The following WWP2 variants were observed in gnomAD, a reference collection of about 807,000 sequenced individuals.
WWP2 encodes WW domain containing E3 ubiquitin protein ligase 2.
In WWP2, 57 loss-of-function variants were observed where a neutral mutation model predicts 121.0. That is an observed-to-expected ratio of 0.47 (90% CI 0.38 to 0.59). The LOEUF (loss-of-function observed/expected upper bound fraction) is 0.59. Ranked by LOEUF, WWP2 falls within the 20% of genes least tolerant of loss-of-function variation. WWP2 has a pLI of 0.00. For missense variants in WWP2, 962 were observed against 1,158.9 expected (o/e 0.83, Z 2.47); for synonymous variants, 449 against 441.3 (o/e 1.02, Z -0.22).
At position 69,935,491 on chromosome 16, in the gene WWP2, C is replaced by T. The variant is rs2058783395; in HGVS notation, c.1843-362C>T. Among the ~76,000 whole-genome samples, 1 of 152,250 alleles carries T rather than the reference C, an allele frequency of 6.6e-6. No homozygotes were observed. Among genetic ancestry groups the T allele is most frequent in the African/African-American group, 2.4e-5 (1 of 41,470 alleles). ...GAGCGCCAGTGAATCAGGGCTGCCACCTGCAGCTGTTCAGAGCAAGCCTTT... is the reference window on the plus strand; with the variant it reads ...GAGCGCCAGTGAATCAGGGCTGCCATCTGCAGCTGTTCAGAGCAAGCCTTT... On this transcript the variant is annotated intron_variant, in intron 17 of 23. Transcript: ENST00000359154. This position sits in a 1 kb window ranked among gnomAD's most constrained non-coding sequence, Gnocchi z 5.2.
chr16:69,838,491 C>T (rs2056918183), intron 4 of WWP2, among the ~76,000 whole-genome samples: 1 of 150,460 alleles, frequency 6.6e-6, no homozygotes, highest in African/African-American at 2.4e-5. Flanking sequence ...CTTACGATTG[C>T]ATAGTTTCAG....
chr16:69,882,248 G>C (rs1037961521), intron 7 of WWP2, among the ~76,000 whole-genome samples: 3 of 152,194 alleles, frequency 2.0e-5, no homozygotes, highest in African/African-American at 7.2e-5. Flanking sequence ...GAACCACTGC[G>C]CCCAGCCTAA....
At chr16:69,772,115 C>T (rs914710394) in intron 1 of WWP2, among the ~76,000 whole-genome samples, 4 of 151,660 alleles carry the variant, frequency 2.6e-5, no homozygotes, top group Admixed American at 2.0e-4. Context: ...GCACGCACCA[C>T]TACACCTGGC....
Position 69,791,400 on chromosome 16 carries a change from G to A in WWP2, c.70+4320G>A, listed in dbSNP as rs143723473. Among the ~76,000 whole-genome samples, 856 of 151,898 alleles carry A rather than the reference G, an allele frequency of 5.6e-3. 7 individuals carry two copies. The highest frequency in any genetic ancestry group is 0.019 in the African/African-American group (797 of 41,428). ...CTGCCACCACACCCGGCTAATTTTCGTATTTTTAGTAGAGACAGGGTTTCA... is the reference window on the plus strand; with the variant it reads ...CTGCCACCACACCCGGCTAATTTTCATATTTTTAGTAGAGACAGGGTTTCA... On this transcript the variant is annotated intron_variant, in intron 2 of 23. Transcript: ENST00000359154.
intron 4 of WWP2, chr16:69,828,059 T>G: frequency 2.7e-6 from 1 of 374,944 alleles, no homozygotes; most frequent in South Asian, 2.0e-5. Context: ...GAATTGTGTG[T>G]GCATATGTAC....
rs1182976213 is a variant in WWP2, at chr16:69,799,491, A to T, written c.340+196A>T. 1.5e-6 allele frequency: 1 copy of T among 655,308 alleles called. No individual in the cohort carries two copies. The highest frequency in any genetic ancestry group is 2.4e-6 in the Non-Finnish European group (1 of 412,882). The allele number at this position is 655,308 out of a possible 1,614,324, so 40.6% of individuals were successfully genotyped here. A position where few individuals can be genotyped will look rare whatever the true frequency, so the allele number is the denominator to read the frequency against. ...CTACAGAGTTTAGCCCTCTTTGTCC[A>T]GGGCCTCTAGTAATGTGATGCAGTG... On this transcript the variant is annotated intron_variant, in intron 4 of 23. Transcript: ENST00000359154. The surrounding 1 kb of genome is among the most constrained non-coding windows in gnomAD (Gnocchi z 4.5).
chr16:69,903,706 T>G (rs981611592), intron 8 of WWP2, among the ~76,000 whole-genome samples: 1 of 149,778 alleles, frequency 6.7e-6, no homozygotes, highest in African/African-American at 2.5e-5. Flanking sequence ...AGGTGGAGGT[T>G]GCAGTGAGCC....
intron 1 of WWP2, among the ~76,000 whole-genome samples, chr16:69,777,128 TG>T (rs1411420697): frequency 1.3e-5 from 2 of 150,908 alleles, no homozygotes; most frequent in African/African-American, 2.4e-5. Context: ...AATACACATA[TG>T]GATATATATA....
intron 1 of WWP2, among the ~76,000 whole-genome samples, chr16:69,772,188 C>A (rs894543434): frequency 4.0e-5 from 6 of 151,800 alleles, no homozygotes; most frequent in Admixed American, 1.3e-4. Context: ...CTCGAACTCC[C>A]GAACTTGGGT....
intron 8 of WWP2, among the ~76,000 whole-genome samples, chr16:69,894,039 T>C (rs546909253): frequency 6.6e-6 from 1 of 152,202 alleles, no homozygotes; most frequent in Non-Finnish European, 1.5e-5. Context: ...CAAGGTTCTC[T>C]TGGGGATCTC....
intron 1 of WWP2, among the ~76,000 whole-genome samples, chr16:69,762,744 G>A (rs1233391733): frequency 1.3e-5 from 2 of 152,194 alleles, no homozygotes; most frequent in Non-Finnish European, 2.9e-5. Flanking sequence ...GGGAAGGGGC[G>A]ACTTGGAACT....
intron 4 of WWP2, among the ~76,000 whole-genome samples, chr16:69,815,481 C>G (rs1449840249): frequency 6.2e-5 from 9 of 145,276 alleles, no homozygotes; most frequent in Admixed American, 3.4e-4. Flanking sequence ...GACCCTGTCT[C>G]TTTAAAAAAA....
intron 7 of WWP2, among the ~76,000 whole-genome samples, chr16:69,879,539 G>A (rs567967116): frequency 8.5e-5 from 13 of 152,268 alleles, no homozygotes; most frequent in South Asian, 6.2e-4. Flanking sequence ...ATGTTGTAGC[G>A]TGTGTCAGAA....
chr16:69,846,049 C>CAAAAAAGAAAAAAAAAA (rs2057070209), intron 6 of WWP2, among the ~76,000 whole-genome samples: 1 of 45,604 alleles, frequency 2.2e-5, no homozygotes, highest in African/African-American at 1.0e-4. Context: ...GACTCCATCT[C>CAAAAAAGAAAAAAAAAA]AAAAAAAAAA....
At chr16:69,895,809 C>G (rs1488095084) in intron 8 of WWP2, among the ~76,000 whole-genome samples, 1 of 152,174 alleles carries the variant, frequency 6.6e-6, no homozygotes, top group African/African-American at 2.4e-5. Context: ...CAGTACTTTT[C>G]TGGTCACAGA....
intron 19 of WWP2, chr16:69,936,719 C>T: frequency 1.9e-6 from 1 of 534,722 alleles, no homozygotes; most frequent in Non-Finnish European, 3.3e-6. Flanking sequence ...GAAGTGGCAT[C>T]AAGCTGAGAC....
intron 4 of WWP2, among the ~76,000 whole-genome samples, chr16:69,832,873 G>A (rs1488861635): frequency 1.3e-5 from 2 of 151,276 alleles, no homozygotes; most frequent in African/African-American, 2.4e-5. Flanking sequence ...TTTATTTTTC[G>A]AGATGGGATC....
In WWP2 at chr16:69,808,318, G is replaced by T. The variant is rs552648801; in HGVS notation, c.340+9023G>T. On this transcript the variant is annotated intron_variant, in intron 4 of 23. Coordinates refer to ENST00000359154, the MANE Select transcript of WWP2 (RefSeq NM_001270454.2). ...GGGATCTCGCTATATTGCCCAGGCT[G>T]GTCTCAAGTGATCCTCCCACTTTGG... is the stretch of plus-strand genomic sequence containing the variant. Among the ~76,000 whole-genome samples, 56 of 151,714 alleles carry T rather than the reference G, an allele frequency of 3.7e-4. 1 individual carries two copies. Among genetic ancestry groups the T allele is most frequent in the Non-Finnish European group, 2.9e-4 (20 of 67,962 alleles).
intron 1 of WWP2, among the ~76,000 whole-genome samples, chr16:69,782,710 A>G (rs145484690): frequency 1.3e-5 from 2 of 152,332 alleles, no homozygotes; most frequent in Non-Finnish European, 2.9e-5. Context: ...TGGAAACTAG[A>G]TATATCACAT....
Sources: gnomAD v4.1 joint callset for allele counts (sites outside exome capture counted in the v4.1 genomes callset) on GRCh38, gnomAD v4.1.1 for gene constraint, Gnocchi (gnomAD v3.1) non-coding constraint, MANE v1.5 for transcripts, NCBI Gene and HGNC (gene_info 2026-07-23, HGNC 2026-07-21) for gene names.